CDC45: variants seen among roughly 807,000 people sequenced by gnomAD.
CDC45 encodes cell division control protein 45 homolog.
In CDC45, 54 loss-of-function variants were observed where a neutral mutation model predicts 77.8. The ratio of observed to expected loss-of-function variants is 0.69; its 90% confidence interval spans 0.56 to 0.87. CDC45 has a LOEUF of 0.87. Among genes scored for constraint, CDC45 ranks in the 40% least tolerant of loss-of-function variants. The pLI, the probability that CDC45 is intolerant of heterozygous loss-of-function variation, is 0.00. For missense variants in CDC45, 649 were observed against 721.6 expected, an observed-to-expected ratio of 0.90 and a Z score of 1.15; for synonymous variants, 260 against 272.1, an observed-to-expected ratio of 0.96 and a Z score of 0.44.
At chr22:19,489,111 G>A (rs1187351209) in intron 5 of CDC45, among the ~76,000 whole-genome samples, 1 of 152,144 alleles carries the variant, frequency 6.6e-6, no homozygotes, top group Non-Finnish European at 1.5e-5. Context: ...AGTAAGTCGA[G>A]GCTGCAGTGA....
rs770814867 is a variant in CDC45 at position 19,516,659 on chromosome 22, A to G, written c.1559+14A>G. The G allele has an allele frequency of 1.3e-6, 2 of 1,593,838 alleles. No homozygotes were observed. The highest frequency in any genetic ancestry group is 1.7e-6 in the Non-Finnish European group (2 of 1,164,238). On this transcript the variant is annotated intron_variant, in intron 16 of 18. Coordinates refer to ENST00000263201, the MANE Select transcript of CDC45 (RefSeq NM_003504.5). ...GGACAGGAAGAAGTGAGCAGCTTCC[A>G]CTCGTCCTGGGACTGGAGGGTCGGG... is the stretch of plus-strand genomic sequence containing the variant.
intron 18 of CDC45, among the ~76,000 whole-genome samples, chr22:19,519,414 G>A (rs1030352467): frequency 2.0e-5 from 3 of 152,262 alleles, no homozygotes; most frequent in Non-Finnish European, 2.9e-5. Flanking sequence ...GCACACAGCT[G>A]TCCTGAGGGC....
intron 4 of CDC45, among the ~76,000 whole-genome samples, chr22:19,483,147 T>A (rs369823207): frequency 4.0e-5 from 6 of 151,848 alleles, no homozygotes; most frequent in African/African-American, 1.5e-4. Context: ...TGAAATGGAG[T>A]CTTGGCTGGG....
chr22:19,507,438 A>G lies in CDC45; in HGVS notation c.877A>G (p.Thr293Ala). 6.2e-7 allele frequency: 1 copy of G among 1,614,132 alleles called. No individual in the cohort carries two copies. The highest frequency in any genetic ancestry group is 8.5e-7 in the Non-Finnish European group (1 of 1,180,036). ...HWSLHDSLCN[T>A]SYTAARFKLW... is the part of the protein sequence containing the mutation. ...GTCCCTCCATGACAGCCTGTGCAAC[A>G]CCAGCTATACCGCAGCCAGGTTCAA... Residue 293 changes from threonine to alanine, a missense_variant, in exon 11 of 19, where the codon ACC becomes GCC. Coordinates refer to ENST00000263201, the MANE Select transcript of CDC45 (RefSeq NM_003504.5).
intron 6 of CDC45, among the ~76,000 whole-genome samples, chr22:19,495,202 A>G (rs949590605): frequency 1.3e-5 from 2 of 152,240 alleles, no homozygotes; most frequent in Admixed American, 1.3e-4. Context: ...CATATTTTAC[A>G]TGATACATCT....
intron 13 of CDC45, among the ~76,000 whole-genome samples, chr22:19,514,503 T>A (rs1398657338): frequency 1.3e-5 from 2 of 152,210 alleles, no homozygotes; most frequent in Admixed American, 1.3e-4. Flanking sequence ...TTCCCTTTGT[T>A]GGCTTTTAGT....
intron 8 of CDC45, among the ~76,000 whole-genome samples, chr22:19,497,760 A>T (rs568193182): frequency 6.6e-6 from 1 of 152,186 alleles, no homozygotes; most frequent in South Asian, 2.1e-4. Flanking sequence ...GTGAGATTTG[A>T]AGGAGGCAGC....
chr22:19,496,701 A>G (rs2090249345), intron 7 of CDC45, among the ~76,000 whole-genome samples: 1 of 152,112 alleles, frequency 6.6e-6, no homozygotes, highest in African/African-American at 2.4e-5. Flanking sequence ...CTCCAGATAT[A>G]TGGGGCCAGT....
intron 12 of CDC45, among the ~76,000 whole-genome samples, chr22:19,508,222 G>C (rs1434659072): frequency 1.3e-5 from 2 of 152,178 alleles, no homozygotes; most frequent in African/African-American, 2.4e-5. Context: ...GCCCGACCAA[G>C]TCCATGGGCA....
intron 9 of CDC45, among the ~76,000 whole-genome samples, chr22:19,503,576 C>T (rs1440213227): frequency 6.6e-6 from 1 of 152,172 alleles, no homozygotes; most frequent in Non-Finnish European, 1.5e-5. Flanking sequence ...GCAATTCCTT[C>T]AGGGATCCCT....
At chr22:19,507,352 TG>T in intron 10 of CDC45, 33 bp from the exon 11 acceptor site, 1 of 1,606,884 alleles carries the variant, frequency 6.2e-7, no homozygotes, top group Non-Finnish European at 8.5e-7. Flanking sequence ...GGGCGGCCAG[TG>T]GGTGCTTGCA....
intron 5 of CDC45, among the ~76,000 whole-genome samples, chr22:19,487,076 C>T (rs1186629492): frequency 6.6e-6 from 1 of 151,718 alleles, no homozygotes; most frequent in African/African-American, 2.4e-5. Context: ...GGTGAATCAC[C>T]TGAGGTCAGG....
intron 17 of CDC45, 66 bp from the exon 18 acceptor site, chr22:19,518,778 G>A: frequency 3.7e-6 from 5 of 1,345,546 alleles, no homozygotes; most frequent in Non-Finnish European, 5.3e-6. Context: ...GCGGAGGGGA[G>A]TTCTGTGCCC....
intron 5 of CDC45, among the ~76,000 whole-genome samples, chr22:19,488,390 C>T (rs906586427): frequency 6.6e-6 from 1 of 152,236 alleles, no homozygotes; most frequent in African/African-American, 2.4e-5. Context: ...AAGCATGGCT[C>T]AGACATCTGC....
At position 19,507,799 on chromosome 22, in the gene CDC45, G is replaced by A. The variant is rs766932117; in HGVS notation, c.990G>A (p.Gln330=). ...TGAAGCAGGTGAAGCAGAAGTTCCA[G>A]GCCATGGACATCTCCTTGAAGGAGA... is the stretch of plus-strand genomic sequence containing the variant. ...LPLKQVKQKF[Q]AMDISLKENL... is the part of the protein sequence containing the mutation. Residue 330 remains glutamine (Q), a synonymous_variant, in exon 12 of 19, where the codon CAG becomes CAA. Coordinates refer to ENST00000263201, the MANE Select transcript of CDC45 (RefSeq NM_003504.5). 2.5e-6 allele frequency: 4 copies of A among 1,602,854 alleles called. No individual in the cohort carries two copies. In the Admixed American group the frequency reaches 7.1e-5, roughly 28 times the overall value.
chr22:19,488,835 C>G (rs2146349679), intron 5 of CDC45, among the ~76,000 whole-genome samples: 1 of 152,220 alleles, frequency 6.6e-6, no homozygotes, highest in Non-Finnish European at 1.5e-5. Flanking sequence ...ATTACAGATT[C>G]ACATGTAGTT....
chr22:19,507,716 T>C, intron 11 of CDC45, 50 bp from the exon 12 acceptor site: 2 of 1,450,674 alleles, frequency 1.4e-6, no homozygotes, highest in Non-Finnish European at 1.9e-6. Flanking sequence ...CTTTCCACCC[T>C]GTCGGTGTGT....
intron 6 of CDC45, 63 bp downstream of exon 6, chr22:19,494,445 C>T (rs778945194): frequency 6.3e-7 from 1 of 1,594,868 alleles, no homozygotes; most frequent in Admixed American, 1.7e-5. Context: ...GTCTGTGGTG[C>T]CACCCATACC....
chr22:19,479,755 G>C (rs550082430), upstream of CDC45: 10 of 646,408 alleles, frequency 1.5e-5, no homozygotes, highest in Non-Finnish European at 2.8e-5. Flanking sequence ...ACGCTTCTTT[G>C]GGGGCGGGCT....
Sources: allele counts gnomAD v4.1 joint callset (sites outside exome capture counted in the v4.1 genomes callset), GRCh38; gene constraint gnomAD v4.1.1; transcripts MANE v1.5; gene names NCBI Gene and HGNC (gene_info 2026-07-23, HGNC 2026-07-21).